COL24A1: variants seen among roughly 807,000 people sequenced by gnomAD.
COL24A1 encodes collagen alpha-1(XXIV) chain.
Under a neutral mutation model 253.9 loss-of-function variants are expected in COL24A1, and 224 were observed. The ratio of observed to expected loss-of-function variants is 0.88; its 90% CI spans 0.79 to 0.99. COL24A1 has a LOEUF of 0.99. COL24A1 is among the 50% of genes least tolerant of loss of function. The pLI is 0.00. For synonymous variants in COL24A1, 685 were observed against 673.7 expected (o/e 1.02, Z -0.26); for missense variants, 2,131 against 2,068.5 (o/e 1.03, Z -0.59).
chr1:85,991,181 G>A (rs1466821810), intron 19 of COL24A1, among the ~76,000 whole-genome samples: 5 of 152,122 alleles, frequency 3.3e-5, no homozygotes, highest in Admixed American at 2.6e-4. Context: ...CTACCAATTT[G>A]CAGGAAACAC....
chr1:85,843,397 ATAATC>A, intron 39 of COL24A1, among the ~76,000 whole-genome samples: 1 of 152,342 alleles, frequency 6.6e-6, no homozygotes, highest in East Asian at 1.9e-4. Flanking sequence ...ACCTAGGTGA[ATAATC>A]TAGAATAGAA....
chr1:86,142,522 C>CA (rs554778074), intron 2 of COL24A1, among the ~76,000 whole-genome samples: 1,679 of 115,330 alleles, frequency 0.015, 24 homozygotes, highest in Non-Finnish European at 0.019. Flanking sequence ...GACACTGCCT[C>CA]AAAAAAAAAA....
rs545004878 is a variant in COL24A1, at chr1:86,045,570, A to AT, written c.1950+1254dup. ...TGAGAGCTAAAACATAAAAAAAAAA[A>AT]TTAACACACCAATGTATTCAAGTGT... is the stretch of plus-strand genomic sequence containing the variant. On this transcript the variant is annotated intron_variant, in intron 12 of 59. Transcript: ENST00000370571. 1.1e-3 allele frequency among the ~76,000 whole-genome samples: 165 copies of AT among 152,240 alleles called. 2 individuals are homozygous for AT. The East Asian group carries it at 0.028, about 26-fold the overall frequency.
At chr1:86,016,104 G>C (rs1268815015) in intron 19 of COL24A1, among the ~76,000 whole-genome samples, 1 of 151,608 alleles carries the variant, frequency 6.6e-6, no homozygotes, top group African/African-American at 2.4e-5. Flanking sequence ...AGAACTCCTG[G>C]ACTCAAGGCG....
At chr1:85,924,429 C>A (rs866905657) in intron 24 of COL24A1, among the ~76,000 whole-genome samples, 1 of 152,296 alleles carries the variant, frequency 6.6e-6, no homozygotes, top group African/African-American at 2.4e-5. Context: ...CAATAAAATA[C>A]TTTCAAATTG....
At chr1:85,916,352 G>A (rs1212527287) in intron 24 of COL24A1, among the ~76,000 whole-genome samples, 1 of 152,084 alleles carries the variant, frequency 6.6e-6, no homozygotes, top group African/African-American at 2.4e-5. Flanking sequence ...CAGTCAAAAG[G>A]GCATAATTGG....
chr1:86,104,842 G>A lies in COL24A1; in HGVS notation c.1599+7725C>T, dbSNP rs538424369. 3.3e-5 allele frequency among the ~76,000 whole-genome samples: 5 copies of A among 152,340 alleles called. No individual in the cohort carries two copies. The East Asian group carries it at 9.6e-4, about 29-fold the overall frequency. On this transcript the variant is annotated intron_variant, in intron 5 of 59. Transcript: ENST00000370571. ...TCATAGGGTGGTAGCAGTGGGATCT[G>A]TCCTTGTTTGCACATGCCAGCAGCA...
At chr1:86,137,554 G>T (rs1650442528) in intron 2 of COL24A1, among the ~76,000 whole-genome samples, 1 of 152,132 alleles carries the variant, frequency 6.6e-6, no homozygotes, top group Admixed American at 6.6e-5. Context: ...GGAAAGGTTT[G>T]TGTTAAGTAA....
intron 12 of COL24A1, among the ~76,000 whole-genome samples, chr1:86,043,692 T>A (rs558043448): frequency 2.0e-5 from 3 of 152,222 alleles, no homozygotes; most frequent in Non-Finnish European, 4.4e-5. Context: ...CACGCCCAGC[T>A]AATTTTTGTA....
At chr1:85,877,873 T>C (rs908108801) in intron 32 of COL24A1, among the ~76,000 whole-genome samples, 22 of 152,198 alleles carry the variant, frequency 1.4e-4, no homozygotes, top group Admixed American at 2.6e-4. Context: ...AGCAAATATG[T>C]GACAAACAAA....
intron 53 of COL24A1, among the ~76,000 whole-genome samples, chr1:85,764,372 A>T (rs375694489): frequency 6.6e-6 from 1 of 151,986 alleles, no homozygotes; most frequent in Non-Finnish European, 1.5e-5. Flanking sequence ...CACAAGTCAT[A>T]GGGCGTGACT....
chr1:85,979,146 A>C (rs1484618101), intron 20 of COL24A1, among the ~76,000 whole-genome samples: 1 of 152,172 alleles, frequency 6.6e-6, no homozygotes, highest in African/African-American at 2.4e-5. Context: ...ACTGAACGAT[A>C]ATAGTGACAC....
intron 19 of COL24A1, among the ~76,000 whole-genome samples, chr1:85,995,014 T>C (rs1215785632): frequency 1.3e-5 from 2 of 152,166 alleles, no homozygotes; most frequent in African/African-American, 2.4e-5. Context: ...GCAGAAAATA[T>C]AGCACAGCTC....
chr1:86,016,725 T>C (rs1022024334), intron 19 of COL24A1, among the ~76,000 whole-genome samples: 4 of 152,188 alleles, frequency 2.6e-5, no homozygotes, highest in Admixed American at 2.0e-4. Flanking sequence ...TTAAAGTATA[T>C]ACAAACAAAT....
intron 2 of COL24A1, among the ~76,000 whole-genome samples, chr1:86,136,710 T>C (rs1650308238): frequency 6.6e-6 from 1 of 152,104 alleles, no homozygotes. Flanking sequence ...TCAGCCATTA[T>C]ATTCCCCACA....
chr1:85,857,744 T>C lies in COL24A1; in HGVS notation c.3301-8338A>G, dbSNP rs772568083. ...CACCTGAAGAAACTACTACTTTATA[T>C]GATTAGATTAAGTTTAAGCATTCAA... On this transcript the variant is annotated intron_variant, in intron 37 of 59. Coordinates refer to ENST00000370571, the MANE Select transcript of COL24A1 (RefSeq NM_152890.7). Among the ~76,000 whole-genome samples the C allele has an allele frequency of 2.0e-5, 3 of 152,170 alleles. No individual in the cohort carries two copies. The East Asian group carries it at 5.8e-4, about 29-fold the overall frequency.
intron 32 of COL24A1, among the ~76,000 whole-genome samples, chr1:85,883,090 T>C (rs1682051920): frequency 6.6e-6 from 1 of 152,230 alleles, no homozygotes; most frequent in Admixed American, 6.5e-5. Context: ...ATCATTGAGT[T>C]AGTATATATC....
intron 10 of COL24A1, among the ~76,000 whole-genome samples, chr1:86,057,656 T>C (rs941339622): frequency 2.6e-5 from 4 of 152,230 alleles, no homozygotes; most frequent in Non-Finnish European, 5.9e-5. Context: ...TCCATTCATA[T>C]ATAAATAACA....
intron 14 of COL24A1, 142 bp downstream of exon 14, chr1:86,031,735 GA>G: frequency 4.7e-6 from 2 of 426,174 alleles, no homozygotes; most frequent in South Asian, 3.8e-5. Flanking sequence ...ATATCTGGTT[GA>G]AAAAAATACA....
Sources: allele counts gnomAD v4.1 joint callset (sites outside exome capture counted in the v4.1 genomes callset), GRCh38; gene constraint gnomAD v4.1.1; transcripts MANE v1.5; gene names NCBI Gene and HGNC (gene_info 2026-07-23, HGNC 2026-07-21).